The following MKLN1 variants were observed in gnomAD, a reference collection of about 807,000 sequenced individuals.
The protein encoded by MKLN1 is muskelin 1.
MKLN1 carries 18 observed loss-of-function variants against 99.0 expected under a neutral mutation model. That is an observed-to-expected ratio of 0.18 (90% CI 0.13 to 0.27). The LOEUF is 0.27. MKLN1 is among the 10% of genes least tolerant of loss of function. The pLI is 1.00. For synonymous variants in MKLN1, 288 were observed against 293.2 expected (o/e 0.98, Z 0.18); for missense variants, 621 against 875.9 (o/e 0.71, Z 3.67).
intron 1 of MKLN1, among the ~76,000 whole-genome samples, chr7:131,330,506 G>A (rs779093628): frequency 3.3e-5 from 5 of 152,170 alleles, no homozygotes; most frequent in Non-Finnish European, 5.9e-5. Context: ...TTGGAAGCAG[G>A]TAGGGAGAAG....
chr7:131,271,488 G>A (rs570707826), intron 3 of MKLN1, among the ~76,000 whole-genome samples: 477 of 152,018 alleles, frequency 3.1e-3, no homozygotes, highest in Non-Finnish European at 5.6e-3. Flanking sequence ...ATGGTGGCAG[G>A]CACCTGTAGT....
chr7:131,161,317 C>T (rs919171669), intron 2 of MKLN1, among the ~76,000 whole-genome samples: 7 of 152,076 alleles, frequency 4.6e-5, no homozygotes, highest in Non-Finnish European at 1.0e-4. Flanking sequence ...TTGCACTCTC[C>T]GGTATGGTAG....
intron 8 of MKLN1, among the ~76,000 whole-genome samples, chr7:131,417,502 T>G (rs555078774): frequency 6.6e-5 from 10 of 152,348 alleles, no homozygotes; most frequent in African/African-American, 2.2e-4. Context: ...TGCTTTTCAG[T>G]ATGTTACCAT....
chr7:131,190,361 T>G (rs1796516716), intron 2 of MKLN1, among the ~76,000 whole-genome samples: 1 of 151,786 alleles, frequency 6.6e-6, no homozygotes, highest in Non-Finnish European at 1.5e-5. Flanking sequence ...TTCCTTGATG[T>G]CTTAGAGAAG....
intron 1 of MKLN1, among the ~76,000 whole-genome samples, chr7:131,141,540 T>G (rs1011429455): frequency 1.3e-5 from 2 of 152,222 alleles, no homozygotes; most frequent in Non-Finnish European, 2.9e-5. Flanking sequence ...CTTTCCAGTC[T>G]CATCTCTGAC....
intron 3 of MKLN1, among the ~76,000 whole-genome samples, chr7:131,231,002 C>T (rs1424228580): frequency 6.6e-6 from 1 of 151,594 alleles, no homozygotes; most frequent in Non-Finnish European, 1.5e-5. Context: ...CGCCTGTAGT[C>T]CCAGCTACTT....
chr7:131,293,944 A>C (rs10262199), intron 3 of MKLN1, among the ~76,000 whole-genome samples: 2 of 151,930 alleles, frequency 1.3e-5, no homozygotes, highest in South Asian at 2.1e-4. Context: ...TCTTTGTTGT[A>C]GGGGGCTGTC....
At chr7:131,202,146 CTTTTTTTTTTTTTT>C (rs58800874) in intron 2 of MKLN1, among the ~76,000 whole-genome samples, 1 of 60,276 alleles carries the variant, frequency 1.7e-5, no homozygotes, top group Non-Finnish European at 3.2e-5. Context: ...GCACTATTGA[CTTTTTTTTTTTTTT>C]TTTTTTTTTT....
intron 8 of MKLN1, among the ~76,000 whole-genome samples, chr7:131,421,875 ATTTG>A (rs1795205441): frequency 6.6e-6 from 1 of 152,182 alleles, no homozygotes; most frequent in African/African-American, 2.4e-5. Context: ...ATTTTGGTAT[ATTTG>A]TTTAATCTTT....
chr7:131,118,695 C>T (rs1031193257), intron 1 of MKLN1, among the ~76,000 whole-genome samples: 1 of 152,048 alleles, frequency 6.6e-6, no homozygotes, highest in Non-Finnish European at 1.5e-5. Flanking sequence ...ACAATCATGG[C>T]GAAAGGTGAA....
chr7:131,136,789 C>A lies in MKLN1; in HGVS notation c.-418-6031C>A, dbSNP rs372251970. Among the ~76,000 whole-genome samples, 14 of 152,180 alleles carry A rather than the reference C, an allele frequency of 9.2e-5. No individual in the cohort carries two copies. In the East Asian group the frequency reaches 1.5e-3, roughly 17 times the overall value. On this transcript the variant is annotated intron_variant, in intron 1 of 7. Coordinates refer to the MKLN1 transcript ENST00000416992. Reference sequence around the variant, plus strand: ...TTTGCCCACGCTGTTCCCTGGAACACCCAAATGCCCTTCGTCCTGGCATGC... The same window carrying A: ...TTTGCCCACGCTGTTCCCTGGAACAACCAAATGCCCTTCGTCCTGGCATGC...
chr7:131,400,354 T>C (rs1316547809), intron 6 of MKLN1, among the ~76,000 whole-genome samples: 1 of 151,832 alleles, frequency 6.6e-6, no homozygotes, highest in East Asian at 1.9e-4. Context: ...TTTTGAAATA[T>C]GACAAATCTG....
At chr7:131,192,856 A>C (rs956281945) in intron 2 of MKLN1, among the ~76,000 whole-genome samples, 3 of 152,072 alleles carry the variant, frequency 2.0e-5, no homozygotes, top group Non-Finnish European at 4.4e-5. Flanking sequence ...GTATATTTTT[A>C]AAGCAACATT....
intron 2 of MKLN1, among the ~76,000 whole-genome samples, chr7:131,157,365 T>C (rs896406681): frequency 2.0e-5 from 3 of 152,158 alleles, no homozygotes; most frequent in African/African-American, 7.2e-5. Flanking sequence ...AATACTGCAC[T>C]CCAGCCCGGC....
upstream of MKLN1, chr7:131,324,387 G>C (rs1239279561): frequency 6.6e-6 from 1 of 152,220 alleles, no homozygotes; most frequent in Non-Finnish European, 1.5e-5. Context: ...GTTGGGGGGA[G>C]TCACTGTGAA....
chr7:131,216,568 C>T (rs1796985909), intron 3 of MKLN1, among the ~76,000 whole-genome samples: 1 of 152,142 alleles, frequency 6.6e-6, no homozygotes, highest in Non-Finnish European at 1.5e-5. Flanking sequence ...GCTACCTTGA[C>T]CAGAAATCAT....
chr7:131,166,993 A>C (rs1796135563), intron 2 of MKLN1, among the ~76,000 whole-genome samples: 1 of 152,048 alleles, frequency 6.6e-6, no homozygotes, highest in Admixed American at 6.6e-5. Flanking sequence ...GTCCGGCCTA[A>C]GTATCATCTT....
chr7:131,455,734 G>T (rs902972456), intron 12 of MKLN1, among the ~76,000 whole-genome samples: 2 of 151,930 alleles, frequency 1.3e-5, no homozygotes, highest in Non-Finnish European at 2.9e-5. Context: ...CTCCTCCCCC[G>T]CAAATATACC....
intron 3 of MKLN1, among the ~76,000 whole-genome samples, chr7:131,211,934 A>C (rs1357824598): frequency 1.3e-5 from 2 of 152,174 alleles, no homozygotes; most frequent in Non-Finnish European, 2.9e-5. Flanking sequence ...ATGAGTATTG[A>C]ATGGTCTTAC....
Sources: gnomAD v4.1 joint callset for allele counts (sites outside exome capture counted in the v4.1 genomes callset) on GRCh38, gnomAD v4.1.1 for gene constraint, MANE v1.5 for transcripts, NCBI Gene and HGNC (gene_info 2026-07-23, HGNC 2026-07-21) for gene names.